EVC2: variants seen among roughly 807,000 people sequenced by gnomAD.
EVC2 encodes limbin.
In EVC2, 148 loss-of-function variants were observed where a neutral mutation model predicts 149.3. The observed-to-expected ratio is 0.99, with a 90% CI of 0.87 to 1.14. The LOEUF (loss-of-function observed/expected upper bound fraction) is 1.14, where lower values mean the gene tolerates loss of function less well. Ranked by LOEUF, EVC2 falls within the 50% of genes most tolerant of loss-of-function variation. EVC2 has a pLI of 0.00. For synonymous variants in EVC2, 776 were observed against 649.9 expected (o/e 1.19, Z -2.95); for missense variants, 1,854 against 1,627.3 (o/e 1.14, Z -2.40).
chr4:5,616,268 T>C (rs1715243456), intron 15 of EVC2, among the ~76,000 whole-genome samples: 2 of 152,168 alleles, frequency 1.3e-5, no homozygotes, highest in African/African-American at 2.4e-5. Flanking sequence ...CTTGAGGTCA[T>C]GTTGGAACTT....
chr4:5,652,433 C>T (rs985310503), intron 9 of EVC2, among the ~76,000 whole-genome samples: 16 of 152,202 alleles, frequency 1.1e-4, no homozygotes, highest in African/African-American at 3.6e-4. Flanking sequence ...TGGAGAACTG[C>T]ATGTGTTTCC....
chr4:5,618,993 C>T lies in EVC2; in HGVS notation c.2502-311G>A, dbSNP rs185354068. Among the ~76,000 whole-genome samples, 58 of 152,270 alleles carry T rather than the reference C, an allele frequency of 3.8e-4. No homozygotes were observed. Among genetic ancestry groups the T allele is most frequent in the African/African-American group, 1.3e-3 (53 of 41,546 alleles). On this transcript the variant is annotated intron_variant, in intron 14 of 21. Coordinates refer to ENST00000344408, the MANE Select transcript of EVC2 (RefSeq NM_147127.5). This position sits in a 1 kb window ranked among gnomAD's most constrained non-coding sequence, Gnocchi z 4.4. ...AACCTGGTCTCACTTCAGAAACAGA[C>T]GTGTAAACAAAGCACTGTCTGTGGA...
chr4:5,640,811 T>G lies in EVC2; in HGVS notation c.1173A>C (p.Ala391=), dbSNP rs1276908557. 6.2e-7 allele frequency: 1 copy of G among 1,614,216 alleles called. No homozygotes were observed. The highest frequency in any genetic ancestry group is 8.5e-7 in the Non-Finnish European group (1 of 1,180,036). Reference sequence around the variant, plus strand: ...TTCGACAAGCCTCCAGATCTGCATCTGCCCGATTCAGGGTTGCAATCTCCA... The same window carrying G: ...TTCGACAAGCCTCCAGATCTGCATCGGCCCGATTCAGGGTTGCAATCTCCA... ...EELEIATLNR[A]DADLEACRTQ... is the part of the protein sequence containing the mutation. Residue 391 remains alanine (A), a synonymous_variant, in exon 10 of 22, where the codon GCA becomes GCC. Coordinates refer to ENST00000344408, the MANE Select transcript of EVC2 (RefSeq NM_147127.5). This position sits in a 1 kb window ranked among gnomAD's most constrained non-coding sequence, Gnocchi z 4.6.
Position 5,576,513 on chromosome 4 carries a change from C to CA in EVC2, c.3058-60dup. The CA allele has an allele frequency of 6.5e-7, 1 of 1,538,878 alleles. No homozygotes were observed. Among genetic ancestry groups the CA allele is most frequent in the Non-Finnish European group, 8.7e-7 (1 of 1,147,494 alleles). Reference sequence around the variant, plus strand: ...TGCACAAGGCGGGTGGGGTGGAGGACAAAATCTGACCTCCTGGGTGTCTTG... The same window carrying CA: ...TGCACAAGGCGGGTGGGGTGGAGGACAAAAATCTGACCTCCTGGGTGTCTTG... On this transcript the variant is annotated intron_variant, in intron 17 of 21. Transcript: ENST00000344408. The surrounding 1 kb of genome is among the most constrained non-coding windows in gnomAD (Gnocchi z 4.5).
chr4:5,559,254 T>C (rs185874102), downstream of EVC2, among the ~76,000 whole-genome samples: 4 of 152,286 alleles, frequency 2.6e-5, no homozygotes, highest in Non-Finnish European at 5.9e-5. This position sits in a 1 kb window ranked among gnomAD's most constrained non-coding sequence, Gnocchi z 5.0. Context: ...GAATGATCCA[T>C]GGGGCAATGG....
rs11947740 is a variant in EVC2, at chr4:5,687,910, C to T, written c.706+1247G>A. Among the ~76,000 whole-genome samples the T allele has an allele frequency of 3.5e-3, 534 of 152,270 alleles. 3 individuals are homozygous for T. The highest frequency in any genetic ancestry group is 0.012 in the African/African-American group (516 of 41,546). ...TACGACTCCACAATGGACTGATATTCGCACAACCAGAGCACTTCAATAGCT... is the reference window on the plus strand; with the variant it reads ...TACGACTCCACAATGGACTGATATTTGCACAACCAGAGCACTTCAATAGCT... On this transcript the variant is annotated intron_variant, in intron 5 of 21. Coordinates refer to ENST00000344408, the MANE Select transcript of EVC2 (RefSeq NM_147127.5).
chr4:5,668,616 A>C (rs2108904140), intron 7 of EVC2, among the ~76,000 whole-genome samples: 1 of 152,366 alleles, frequency 6.6e-6, no homozygotes, highest in African/African-American at 2.4e-5. Context: ...ATTGATGGAA[A>C]GGAAACTAAA....
At chr4:5,577,726 C>A (rs868811699) in intron 17 of EVC2, among the ~76,000 whole-genome samples, 68 of 152,162 alleles carry the variant, frequency 4.5e-4, no homozygotes, top group African/African-American at 6.8e-4. Flanking sequence ...TCTATCCCCC[C>A]CAAGCATTTG....
Position 5,708,407 on chromosome 4 carries a change from C to T in EVC2, c.107G>A (p.Arg36His). The change falls in exon 1 of 22, where the codon CGT becomes CAT. Residue 36 changes from arginine to histidine, a missense_variant. Coordinates refer to ENST00000344408, the MANE Select transcript of EVC2 (RefSeq NM_147127.5). ...GGRGCLGASSRPRWRPLGAQP... is the reference protein window; with the variant it reads ...GGRGCLGASSHPRWRPLGAQP... The stretch of plus-strand genomic sequence containing the variant: ...CGCGCCGAGGGGGCGCCAGCGGGGA[C>T]GTGAGCTGGCGCCGAGACAGCCTCG... The T allele has an allele frequency of 6.7e-7, 1 of 1,501,116 alleles. No individual in the cohort carries two copies. Among genetic ancestry groups the T allele is most frequent in the Non-Finnish European group, 8.8e-7 (1 of 1,132,236 alleles). 93.0% of individuals were successfully genotyped at this position (1,501,116 alleles called of 1,614,324 possible).
At chr4:5,575,110 A>G (rs1056157419) in intron 18 of EVC2, among the ~76,000 whole-genome samples, 2 of 152,218 alleles carry the variant, frequency 1.3e-5, no homozygotes, top group African/African-American at 4.8e-5. Flanking sequence ...AAGAAGACCA[A>G]GATCTGGGGT....
chr4:5,706,433 G>GATAGATAGATAGATAC lies in EVC2; in HGVS notation c.228+1837_228+1852dup, dbSNP rs1577281754. On this transcript the variant is annotated intron_variant, in intron 1 of 21. Transcript: ENST00000344408. The stretch of plus-strand genomic sequence containing the variant: ...AGATACATAGATAGATAGATACATA[G>GATAGATAGATAGATAC]ATAGATAGATAGATACATACATACA... 2.3e-3 allele frequency among the ~76,000 whole-genome samples: 60 copies of GATAGATAGATAGATAC among 25,736 alleles called. 8 individuals are homozygous for GATAGATAGATAGATAC. The highest frequency in any genetic ancestry group is 4.4e-3 in the Non-Finnish European group (44 of 10,002). The allele number at this position is 25,736 out of a possible 152,430, so 16.9% of individuals were successfully genotyped here.
chr4:5,621,593 C>T (rs1287531888), intron 14 of EVC2, among the ~76,000 whole-genome samples: 1 of 152,218 alleles, frequency 6.6e-6, no homozygotes, highest in Admixed American at 6.5e-5. Flanking sequence ...TATTACAGCA[C>T]AAAAGGCTCC....
rs907061269 is a variant in EVC2, at chr4:5,618,116, C to T, written c.2706+362G>A. 5.3e-5 allele frequency among the ~76,000 whole-genome samples: 8 copies of T among 152,126 alleles called. No individual in the cohort carries two copies. ...ATGCCATATAGAAAGGCCTTTTGTA[C>T]CCAGAGTCAGTCATTAGCTGTGGCT... is the stretch of plus-strand genomic sequence containing the variant. On this transcript the variant is annotated intron_variant, in intron 15 of 21. Coordinates refer to ENST00000344408, the MANE Select transcript of EVC2 (RefSeq NM_147127.5). This position sits in a 1 kb window ranked among gnomAD's most constrained non-coding sequence, Gnocchi z 4.4.
chr4:5,650,604 C>CATATATATATATATATATAT (rs66673359), intron 9 of EVC2, among the ~76,000 whole-genome samples: 6 of 53,028 alleles, frequency 1.1e-4, no homozygotes, highest in South Asian at 1.0e-3. Flanking sequence ...TTTTAATCGC[C>CATATATATATATATATATAT]ATATATATAT....
At chr4:5,559,106 A>AG, downstream of EVC2, among the ~76,000 whole-genome samples, 1 of 152,258 alleles carries the variant, frequency 6.6e-6, no homozygotes, top group African/African-American at 2.4e-5. This position sits in a 1 kb window ranked among gnomAD's most constrained non-coding sequence, Gnocchi z 5.0. Context: ...GCTACTTGGG[A>AG]GGTTGAGGTA....
At chr4:5,635,098 G>C (rs1433611788) in intron 10 of EVC2, among the ~76,000 whole-genome samples, 1 of 132,526 alleles carries the variant, frequency 7.5e-6, no homozygotes, top group Non-Finnish European at 1.5e-5. Flanking sequence ...GTGAAGTGCT[G>C]CTATCTTGGT....
chr4:5,566,566 G>A (rs573627665), intron 20 of EVC2, among the ~76,000 whole-genome samples: 5 of 152,162 alleles, frequency 3.3e-5, no homozygotes, highest in Non-Finnish European at 7.3e-5. Context: ...CTGATGTAAT[G>A]GCCGGATGCT....
At chr4:5,579,568 G>C (rs993217453) in intron 17 of EVC2, among the ~76,000 whole-genome samples, 1 of 152,208 alleles carries the variant, frequency 6.6e-6, no homozygotes, top group Non-Finnish European at 1.5e-5. Context: ...GAGGCTGGGC[G>C]TGGTAGCTCA....
chr4:5,545,141 G>A lies in EVC2; in HGVS notation c.3420-1929C>T, dbSNP rs140399146. 2.1e-3 allele frequency among the ~76,000 whole-genome samples: 318 copies of A among 152,274 alleles called. 2 individuals carry two copies. Among genetic ancestry groups the A allele is most frequent in the African/African-American group, 7.4e-3 (306 of 41,558 alleles). On this transcript the variant is annotated intron_variant and NMD_transcript_variant, in intron 21 of 22. Coordinates refer to the EVC2 transcript ENST00000475313. ...CAACACCTATAGATGGCCCTGTATG[G>A]GATCTGTGTCCCCATGTAGATAGTG...
Sources: gnomAD v4.1 joint callset for allele counts (sites outside exome capture counted in the v4.1 genomes callset) on GRCh38, gnomAD v4.1.1 for gene constraint, Gnocchi (gnomAD v3.1) non-coding constraint, MANE v1.5 for transcripts, NCBI Gene and HGNC (gene_info 2026-07-23, HGNC 2026-07-21) for gene names.